RPAP3: variants seen among roughly 807,000 people sequenced by gnomAD.
RPAP3 encodes the protein RNA polymerase II-associated protein 3.
A neutral mutation model predicts 88.8 loss-of-function variants in RPAP3; 58 were observed. That is an observed-to-expected ratio of 0.65 (90% CI 0.53 to 0.81). The LOEUF is 0.81. Among genes scored for constraint, RPAP3 ranks in the 40% least tolerant of loss-of-function variants. The probability of loss-of-function intolerance (pLI) is 0.00; values close to 1 mark genes in which losing one functional copy is unlikely to be tolerated. For synonymous variants in RPAP3, 255 were observed against 259.9 expected (o/e 0.98, Z 0.18); for missense variants, 751 against 764.3 (o/e 0.98, Z 0.20).
Position 47,696,372 on chromosome 12 carries a change from T to C in RPAP3, c.449A>G (p.Asp150Gly), listed in dbSNP as rs772794029. 9.4e-6 allele frequency: 15 copies of C among 1,592,648 alleles called. No individual in the cohort carries two copies. In the South Asian group the frequency reaches 1.4e-4, roughly 15 times the overall value. The change falls in exon 5 of 17, where the codon GAT becomes GGT. Residue 150 changes from aspartate (D) to glycine (G), a missense_variant. Coordinates refer to ENST00000005386, the MANE Select transcript of RPAP3 (RefSeq NM_024604.3). ...TTTTGTGTAGCAGTCAATTGCTTCA[T>C]CATATTTTCCTTGTTTGAAGTATTT... ...GNKYFKQGKY[D>G]EAIDCYTKGM...
chr12:47,668,935 A>G lies in RPAP3; in HGVS notation c.1694T>C (p.Met565Thr), dbSNP rs183182384. 5 of 1,613,614 alleles carry G rather than the reference A, an allele frequency of 3.1e-6. No individual in the cohort carries two copies. The East Asian group carries it at 6.7e-5, about 22-fold the overall frequency. The change falls in exon 14 of 17, where the codon ATG becomes ACG. Residue 565 changes from methionine to threonine, a missense_variant. Met to Thr is a moderately conservative substitution (Grantham distance 81). Transcript: ENST00000005386. ...DFRQLKSSPD[M>T]LYQYLKQIEP... ...TCTTACCTTTAAATACTGATACAAC[A>G]TATCTGGAGAACTTTTCAATTGTCT...
intron 9 of RPAP3, among the ~76,000 whole-genome samples, chr12:47,684,730 CTT>C (rs1939288800): frequency 2.0e-5 from 3 of 152,182 alleles, no homozygotes; most frequent in Admixed American, 2.0e-4. Context: ...AGGCATTACT[CTT>C]AGCATTAGTC....
At chr12:47,676,489 T>C (rs1016601577) in intron 12 of RPAP3, among the ~76,000 whole-genome samples, 1 of 152,080 alleles carries the variant, frequency 6.6e-6, no homozygotes, top group East Asian at 1.9e-4. Flanking sequence ...TCAAAATTGA[T>C]AGACCACTAG....
chr12:47,702,450 A>T (rs886267851), intron 2 of RPAP3, among the ~76,000 whole-genome samples: 2 of 151,744 alleles, frequency 1.3e-5, no homozygotes, highest in African/African-American at 2.4e-5. Flanking sequence ...GTTACTCAGG[A>T]GGCTAAGGCA....
intron 16 of RPAP3, among the ~76,000 whole-genome samples, chr12:47,665,693 C>T (rs751378107): frequency 3.3e-5 from 5 of 151,776 alleles, no homozygotes; most frequent in Admixed American, 6.6e-5. Context: ...TAGGTTGGAA[C>T]GCAGTGCCAC....
At chr12:47,670,671 A>G (rs957104491) in intron 12 of RPAP3, among the ~76,000 whole-genome samples, 2 of 152,188 alleles carry the variant, frequency 1.3e-5, no homozygotes, top group Non-Finnish European at 2.9e-5. Flanking sequence ...CTTCACAGAA[A>G]AAGCACACAG....
chr12:47,668,337 T>A, intron 14 of RPAP3, among the ~76,000 whole-genome samples: 1 of 152,184 alleles, frequency 6.6e-6, no homozygotes, highest in Admixed American at 6.5e-5. Flanking sequence ...AAAAATCTTA[T>A]GAGCAGAAGA....
At chr12:47,679,991 A>G (rs1414556739) in intron 10 of RPAP3, among the ~76,000 whole-genome samples, 1 of 152,148 alleles carries the variant, frequency 6.6e-6, no homozygotes, top group African/African-American at 2.4e-5. Flanking sequence ...CTACAACCCC[A>G]CTTTAAAGGT....
At chr12:47,704,096 T>C (rs1445343922) in intron 1 of RPAP3, among the ~76,000 whole-genome samples, 1 of 152,198 alleles carries the variant, frequency 6.6e-6, no homozygotes, top group African/African-American at 2.4e-5. Flanking sequence ...CCGGTGTCAC[T>C]AGCAGAAAGG....
chr12:47,694,608 T>G (rs1054509282), intron 5 of RPAP3, among the ~76,000 whole-genome samples: 2 of 150,314 alleles, frequency 1.3e-5, no homozygotes, highest in African/African-American at 4.9e-5. Flanking sequence ...GACCAAAAGA[T>G]TAGTTATCCA....
intron 5 of RPAP3, chr12:47,695,977 C>T (rs1939518035): frequency 4.9e-6 from 1 of 205,104 alleles, no homozygotes; most frequent in South Asian, 1.9e-4. Context: ...ATATTAATTT[C>T]TAAAAATATC....
chr12:47,668,277 A>G, intron 14 of RPAP3, among the ~76,000 whole-genome samples: 1 of 152,232 alleles, frequency 6.6e-6, no homozygotes, highest in East Asian at 1.9e-4. Context: ...TTATGATAGA[A>G]GAATGAAAGT....
intron 9 of RPAP3, among the ~76,000 whole-genome samples, chr12:47,686,074 C>T (rs1939315161): frequency 6.6e-6 from 1 of 152,154 alleles, no homozygotes; most frequent in Non-Finnish European, 1.5e-5. Context: ...GAATTCATGG[C>T]ACTGAAGAAG....
chr12:47,680,328 G>A (rs563696263), intron 10 of RPAP3, among the ~76,000 whole-genome samples: 7 of 152,148 alleles, frequency 4.6e-5, no homozygotes, highest in Non-Finnish European at 1.0e-4. Flanking sequence ...TGTTTAATGT[G>A]TATAGAGTTT....
chr12:47,704,483 C>T (rs1405212973), intron 1 of RPAP3, among the ~76,000 whole-genome samples: 11 of 151,972 alleles, frequency 7.2e-5, no homozygotes, highest in Admixed American at 7.2e-4. Flanking sequence ...ATTCTCCTGC[C>T]TCAGCCTCCC....
At chr12:47,675,026 C>A (rs1939081809) in intron 12 of RPAP3, among the ~76,000 whole-genome samples, 1 of 152,128 alleles carries the variant, frequency 6.6e-6, no homozygotes, top group Non-Finnish European at 1.5e-5. Flanking sequence ...AGAGGAAAGC[C>A]CATCAGACTA....
At chr12:47,687,127 T>C (rs1036779808) in intron 8 of RPAP3, among the ~76,000 whole-genome samples, 2 of 152,174 alleles carry the variant, frequency 1.3e-5, no homozygotes, top group Non-Finnish European at 2.9e-5. Context: ...AGGAAAAACA[T>C]GTATACTACA....
In RPAP3 at chr12:47,689,173, T is replaced by C. The variant is rs747382030; in HGVS notation, c.690A>G (p.Leu230=). ...AKKDYERVLE[L]EPNNFEATNE... ...TTGTTGCTTCAAAGTTATTTGGTTCTAGTTCTAATACTCTTTCATAATCTA... is the reference window on the plus strand; with the variant it reads ...TTGTTGCTTCAAAGTTATTTGGTTCCAGTTCTAATACTCTTTCATAATCTA... Residue 230 remains leucine (L), a synonymous_variant, in exon 7 of 17, where the codon CTA becomes CTG. Transcript: ENST00000005386. 6.9e-7 allele frequency: 1 copy of C among 1,452,452 alleles called. No homozygotes were observed. Among genetic ancestry groups the C allele is most frequent in the South Asian group, 1.2e-5 (1 of 84,278 alleles). 90.0% of individuals were successfully genotyped at this position (1,452,452 alleles called of 1,614,324 possible).
rs958251900 is a variant in RPAP3 at position 47,662,649 on chromosome 12, A to G, written c.*856T>C. The G allele has an allele frequency of 6.6e-6, 1 of 152,230 alleles. No individual in the cohort carries two copies. Among genetic ancestry groups the G allele is most frequent in the Non-Finnish European group, 1.5e-5 (1 of 68,042 alleles). 9.4% of individuals were successfully genotyped at this position (152,230 alleles called of 1,614,324 possible). ...CTACTTTAAACATTTACTTAATATGATTCTTGCGTCAAATTCAATTAAATT... is the reference window on the plus strand; with the variant it reads ...CTACTTTAAACATTTACTTAATATGGTTCTTGCGTCAAATTCAATTAAATT... On this transcript the variant is annotated 3_prime_UTR_variant, in exon 17 of 17. Coordinates refer to ENST00000005386, the MANE Select transcript of RPAP3 (RefSeq NM_024604.3).
Sources: allele counts gnomAD v4.1 joint callset (sites outside exome capture counted in the v4.1 genomes callset), GRCh38; gene constraint gnomAD v4.1.1; transcripts MANE v1.5; gene names NCBI Gene and HGNC (gene_info 2026-07-23, HGNC 2026-07-21).